TEKT5: variants seen among roughly 807,000 people sequenced by gnomAD.
The protein encoded by TEKT5 is tektin 5.
A neutral mutation model predicts 48.7 loss-of-function variants in TEKT5; 52 were observed. The ratio of observed to expected loss-of-function variants is 1.07; its 90% confidence interval spans 0.86 to 1.35. TEKT5 has a LOEUF of 1.35. Ranked by LOEUF, TEKT5 falls within the 40% of genes most tolerant of loss-of-function variation. The probability of loss-of-function intolerance (pLI) is 0.00; values close to 1 mark genes in which losing one functional copy is unlikely to be tolerated. For missense variants in TEKT5, 831 were observed against 641.6 expected (o/e 1.30, Z -3.19); for synonymous variants, 318 against 267.6 (o/e 1.19, Z -1.84).
intron 5 of TEKT5, among the ~76,000 whole-genome samples, chr16:10,674,609 T>C (rs61447745): frequency 0.031 from 2,271 of 73,134 alleles, 69 homozygotes; most frequent in African/African-American, 0.12. Context: ...CAGAGCAAGA[T>C]CATCTCAGAA....
chr16:10,654,944 A>T (rs968340344), intron 5 of TEKT5, among the ~76,000 whole-genome samples: 2 of 67,242 alleles, frequency 3.0e-5, no homozygotes, highest in Admixed American at 1.9e-4. Context: ...CCCCTCCCCC[A>T]CCCCCCCCCC....
rs114105756 is a variant in TEKT5 at position 10,672,011 on chromosome 16, T to A, written c.1086+3948A>T. On this transcript the variant is annotated intron_variant, in intron 5 of 6. Coordinates refer to ENST00000283025, the MANE Select transcript of TEKT5 (RefSeq NM_144674.2). ...ATATTACCATGGATATGGGGGGAGA[T>A]GGAAAAGGGGAGGGAGTGTTTAATG... Among the ~76,000 whole-genome samples the A allele has an allele frequency of 1.1e-4, 16 of 151,516 alleles. 1 individual carries two copies. In the South Asian group the frequency reaches 3.2e-3, roughly 30 times the overall value.
intron 5 of TEKT5, among the ~76,000 whole-genome samples, chr16:10,675,329 G>A (rs901515126): frequency 6.6e-6 from 1 of 152,122 alleles, no homozygotes; most frequent in African/African-American, 2.4e-5. Flanking sequence ...CACCCAGTGG[G>A]AATCTAAATT....
At position 10,670,487 on chromosome 16, in the gene TEKT5, C is replaced by G. The variant is rs564792574; in HGVS notation, c.1086+5472G>C. ...TAAGCCAAGATCTCGTCACTGCACT[C>G]CAGCCTGCACGATAGAGTGAGACTC... is the stretch of plus-strand genomic sequence containing the variant. On this transcript the variant is annotated intron_variant, in intron 5 of 6. Coordinates refer to ENST00000283025, the MANE Select transcript of TEKT5 (RefSeq NM_144674.2). Among the ~76,000 whole-genome samples, 3 of 152,242 alleles carry G rather than the reference C, an allele frequency of 2.0e-5. No individual in the cohort carries two copies. In the East Asian group the frequency reaches 5.8e-4, roughly 29 times the overall value.
chr16:10,677,039 A>G (rs1418605270), intron 4 of TEKT5, among the ~76,000 whole-genome samples: 1 of 152,312 alleles, frequency 6.6e-6, no homozygotes, highest in Admixed American at 6.5e-5. Flanking sequence ...GTCAAAAAAA[A>G]AAGTACCTAC....
At chr16:10,673,830 T>C (rs1372205834) in intron 5 of TEKT5, among the ~76,000 whole-genome samples, 2 of 151,846 alleles carry the variant, frequency 1.3e-5, no homozygotes, top group Non-Finnish European at 2.9e-5. Context: ...TTTTGTATTT[T>C]TAGTAGAGAT....
chr16:10,687,645 C>G (rs12919281), intron 3 of TEKT5, among the ~76,000 whole-genome samples: 63,602 of 152,124 alleles, frequency 0.42, 13,821 homozygotes, highest in East Asian at 0.63. Context: ...CCCAGCTACT[C>G]GGGAGGCTGA....
At chr16:10,658,645 G>A (rs1035682786) in intron 5 of TEKT5, among the ~76,000 whole-genome samples, 1 of 152,138 alleles carries the variant, frequency 6.6e-6, no homozygotes, top group Admixed American at 6.5e-5. Context: ...AAATGTCCTA[G>A]CCTTTGATCT....
chr16:10,672,507 A>T (rs1898565606), intron 5 of TEKT5, among the ~76,000 whole-genome samples: 1 of 152,154 alleles, frequency 6.6e-6, no homozygotes, highest in African/African-American at 2.4e-5. Flanking sequence ...GAGGCAGGAG[A>T]ATCACTTGAA....
At chr16:10,686,399 G>C (rs1898862516) in intron 3 of TEKT5, among the ~76,000 whole-genome samples, 1 of 151,702 alleles carries the variant, frequency 6.6e-6, no homozygotes, top group Non-Finnish European at 1.5e-5. Context: ...GGAGGTTGCA[G>C]TGAGCTGAGA....
chr16:10,640,077 C>CTTCTCCTTCCTTCCT, intron 5 of TEKT5, among the ~76,000 whole-genome samples: 2 of 147,478 alleles, frequency 1.4e-5, no homozygotes, highest in African/African-American at 5.3e-5. Flanking sequence ...CTTTCTCCTT[C>CTTCTCCTTCCTTCCT]TTCTCCTTCC....
intron 4 of TEKT5, among the ~76,000 whole-genome samples, chr16:10,681,540 C>A (rs1243945037): frequency 6.6e-6 from 1 of 152,170 alleles, no homozygotes; most frequent in African/African-American, 2.4e-5. Context: ...TTAAACCACC[C>A]CGCCACCAGC....
rs373364968 is a variant in TEKT5, at chr16:10,681,942, C to T, written c.863+51G>A. 3.2e-5 allele frequency: 51 copies of T among 1,594,266 alleles called. No homozygotes were observed. The African/African-American group carries it at 5.4e-4, about 17-fold the overall frequency. ...CCATTCGTTGGCAGGAGCAGAAGCC[C>T]TCACTCCAGTTGGACACGCCAGGGA... On this transcript the variant is annotated intron_variant, in intron 4 of 6. Coordinates refer to ENST00000283025, the MANE Select transcript of TEKT5 (RefSeq NM_144674.2).
chr16:10,667,616 TTC>T (rs757942398), intron 5 of TEKT5, among the ~76,000 whole-genome samples: 3 of 152,224 alleles, frequency 2.0e-5, no homozygotes, highest in Admixed American at 6.5e-5. Context: ...CTCAATTAAA[TTC>T]TGTTAAATTT....
chr16:10,652,482 A>G (rs865858598), intron 5 of TEKT5, among the ~76,000 whole-genome samples: 8,932 of 136,286 alleles, frequency 0.066, 176 homozygotes, highest in African/African-American at 0.075. Flanking sequence ...ACACACACAC[A>G]CACACACACA....
At chr16:10,650,140 C>T (rs777808941) in intron 5 of TEKT5, among the ~76,000 whole-genome samples, 8 of 152,048 alleles carry the variant, frequency 5.3e-5, no homozygotes, top group South Asian at 2.1e-4. Flanking sequence ...GGCGCAATCT[C>T]GGCTCACTGC....
At position 10,674,486 on chromosome 16, in the gene TEKT5, C is replaced by G. The variant is rs540761578; in HGVS notation, c.1086+1473G>C. ...CTGTCTCTACAAAAAACTAAAAAAC[C>G]TAGCCAGGTGTGGTGGCACGCACAC... On this transcript the variant is annotated intron_variant, in intron 5 of 6. Transcript: ENST00000283025. Among the ~76,000 whole-genome samples, 111 of 151,794 alleles carry G rather than the reference C, an allele frequency of 7.3e-4. 1 individual carries two copies. Among genetic ancestry groups the G allele is most frequent in the African/African-American group, 2.6e-3 (108 of 41,416 alleles).
chr16:10,652,557 ACACC>A (rs373270119), intron 5 of TEKT5, among the ~76,000 whole-genome samples: 2 of 125,780 alleles, frequency 1.6e-5, no homozygotes, highest in East Asian at 2.4e-4. Flanking sequence ...ACACACACAC[ACACC>A]CCCTCCAGGC....
intron 4 of TEKT5, among the ~76,000 whole-genome samples, chr16:10,680,249 G>T (rs1475460938): frequency 6.6e-6 from 1 of 152,190 alleles, no homozygotes; most frequent in African/African-American, 2.4e-5. Flanking sequence ...AGTCCCAAAG[G>T]GTCACCTCAG....
Sources: allele counts gnomAD v4.1 joint callset (sites outside exome capture counted in the v4.1 genomes callset), GRCh38; gene constraint gnomAD v4.1.1; transcripts MANE v1.5; gene names NCBI Gene and HGNC (gene_info 2026-07-23, HGNC 2026-07-21).